Variants in MID2 observed in about 807,000 individuals in gnomAD.
The protein encoded by MID2 is midline 2.
A neutral mutation model predicts 46.1 loss-of-function variants in MID2; 13 were observed. That is an observed-to-expected ratio of 0.28 (90% CI 0.18 to 0.45). The LOEUF (loss-of-function observed/expected upper bound fraction) is 0.45. MID2 is among the 20% of genes least tolerant of loss of function. The pLI, the probability that MID2 is intolerant of heterozygous loss-of-function variation, is 1.00. For synonymous variants in MID2, 199 were observed against 212.3 expected (o/e 0.94, Z 0.55); for missense variants, 431 against 575.4 (o/e 0.75, Z 2.57).
chrX:107,878,295 A>G (rs944642970), intron 3 of MID2, among the ~76,000 whole-genome samples: 1 of 105,206 alleles, frequency 9.5e-6, no homozygotes, highest in African/African-American at 3.5e-5. Flanking sequence ...CATGCTTTGG[A>G]CATGCCCAAG....
At chrX:107,881,489 C>T (rs1303762240) in intron 3 of MID2, among the ~76,000 whole-genome samples, 4 of 112,164 alleles carry the variant, frequency 3.6e-5, no homozygotes, top group African/African-American at 1.3e-4. Context: ...CAGTGATGAC[C>T]TTTTCTTCTC....
chrX:107,857,281 C>CT (rs1172837242), intron 3 of MID2, among the ~76,000 whole-genome samples: 993 of 97,386 alleles, frequency 0.01, 8 homozygotes, highest in African/African-American at 0.025. Flanking sequence ...TTAACTTCCT[C>CT]TTTTTTTTTT....
Position 107,841,165 on chromosome X carries a change from G to A in MID2, c.500G>A (p.Arg167Gln), listed in dbSNP as rs779811661. 1.2e-5 allele frequency: 15 copies of A among 1,209,001 alleles called. No homozygotes were observed. Among genetic ancestry groups the A allele is most frequent in the African/African-American group, 8.8e-5 (5 of 56,866 alleles). Residue 167 changes from arginine (R) to glutamine (Q), a missense_variant, in exon 2 of 10, where the codon CGG becomes CAG. Coordinates refer to ENST00000262843, the MANE Select transcript of MID2 (RefSeq NM_012216.4). ...CEVSYCDRCL[R>Q]ATHPNKKPFT... Reference sequence around the variant, plus strand: ...GTCTCCTACTGTGACCGTTGCCTGCGGGCCACGCACCCCAACAAGAAACCT... The same window carrying A: ...GTCTCCTACTGTGACCGTTGCCTGCAGGCCACGCACCCCAACAAGAAACCT...
intron 5 of MID2, among the ~76,000 whole-genome samples, chrX:107,908,876 G>T (rs956391501): frequency 9.0e-6 from 1 of 110,882 alleles, no homozygotes; most frequent in Non-Finnish European, 1.9e-5. Context: ...AACAAAAAAA[G>T]ATATTTAGCC....
chrX:107,918,613 G>A (rs994410728), intron 7 of MID2, among the ~76,000 whole-genome samples: 1 of 111,510 alleles, frequency 9.0e-6, no homozygotes, highest in Admixed American at 9.5e-5. Flanking sequence ...GGGGTGGGGA[G>A]ATGAGAGGAC....
intron 2 of MID2, among the ~76,000 whole-genome samples, chrX:107,851,371 T>C (rs975451841): frequency 9.0e-6 from 1 of 111,720 alleles, no homozygotes; most frequent in African/African-American, 3.3e-5. Flanking sequence ...TCCAGCTGCC[T>C]TTTATCAATC....
Position 107,926,084 on chromosome X carries a change from T to C in MID2, c.1598-10T>C. ...GCTTTTTCTTTTTTTTTTTTCTACT[T>C]ATTTTTCAGGCCAACCCTTTAAATT... On this transcript the variant is annotated splice_polypyrimidine_tract_variant and intron_variant, in intron 8 of 9. Transcript: ENST00000262843. The C allele has an allele frequency of 2.6e-6, 3 of 1,163,464 alleles. No individual in the cohort carries two copies. Among genetic ancestry groups the C allele is most frequent in the Non-Finnish European group, 3.5e-6 (3 of 866,050 alleles).
At chrX:107,860,899 TG>T (rs1931838316) in intron 3 of MID2, among the ~76,000 whole-genome samples, 1 of 112,031 alleles carries the variant, frequency 8.9e-6, no homozygotes, top group African/African-American at 3.3e-5. Flanking sequence ...TTCATGCCAC[TG>T]GTAGGTAAGA....
At chrX:107,895,842 C>T (rs1281696868) in intron 3 of MID2, 1 of 112,185 alleles carries the variant, frequency 8.9e-6, no homozygotes, top group African/African-American at 3.2e-5. Context: ...CAATGTGATG[C>T]TGGATAAGCC....
At chrX:107,918,348 G>A (rs1933008173) in intron 7 of MID2, among the ~76,000 whole-genome samples, 1 of 111,752 alleles carries the variant, frequency 8.9e-6, no homozygotes, top group African/African-American at 3.3e-5. Flanking sequence ...GGTGCAGTGA[G>A]GGCTGGGGTG....
chrX:107,849,081 C>A (rs1262202899), intron 2 of MID2, among the ~76,000 whole-genome samples: 1 of 112,172 alleles, frequency 8.9e-6, no homozygotes, highest in African/African-American at 3.2e-5. Flanking sequence ...CCTATGCTCA[C>A]CCCAAGGTTC....
chrX:107,845,774 T>C (rs962169079), intron 2 of MID2, among the ~76,000 whole-genome samples: 3 of 111,031 alleles, frequency 2.7e-5, no homozygotes, highest in Non-Finnish European at 5.7e-5. Flanking sequence ...CTTCTCCCAG[T>C]CATTTATCTA....
intron 3 of MID2, among the ~76,000 whole-genome samples, chrX:107,891,665 C>T (rs1932607353): frequency 9.0e-6 from 1 of 111,728 alleles, no homozygotes; most frequent in African/African-American, 3.3e-5. Flanking sequence ...TAGTTGAGAC[C>T]TCTGGAAATA....
chrX:107,836,672 G>T (rs1216238782), intron 1 of MID2, among the ~76,000 whole-genome samples: 1 of 110,824 alleles, frequency 9.0e-6, no homozygotes, highest in Non-Finnish European at 1.9e-5. Flanking sequence ...AAAGGTAGGG[G>T]AAATGGGGGA....
chrX:107,915,190 A>G (rs1932948611), intron 5 of MID2, among the ~76,000 whole-genome samples: 1 of 112,228 alleles, frequency 8.9e-6, no homozygotes, highest in Non-Finnish European at 1.9e-5. Flanking sequence ...AGACTCCTAG[A>G]TTTAGTTGGG....
At chrX:107,918,081 C>G (rs1933003780) in intron 7 of MID2, among the ~76,000 whole-genome samples, 1 of 111,580 alleles carries the variant, frequency 9.0e-6, no homozygotes, top group Non-Finnish European at 1.9e-5. Context: ...TTTACCAAAC[C>G]TACCTCTATC....
intron 3 of MID2, among the ~76,000 whole-genome samples, chrX:107,868,282 G>A (rs963788326): frequency 8.9e-6 from 1 of 111,894 alleles, no homozygotes; most frequent in Admixed American, 9.5e-5. Context: ...GAGTTGGAAT[G>A]ATCAGCAGGA....
intron 1 of MID2, among the ~76,000 whole-genome samples, chrX:107,835,690 TATTAA>T (rs972835265): frequency 8.9e-6 from 1 of 112,082 alleles, no homozygotes; most frequent in African/African-American, 3.2e-5. Flanking sequence ...CTTTGCCTAC[TATTAA>T]ATTGAGTTAC....
intron 5 of MID2, among the ~76,000 whole-genome samples, chrX:107,908,303 C>T (rs1444305825): frequency 4.5e-5 from 5 of 111,915 alleles, no homozygotes; most frequent in Non-Finnish European, 1.9e-5. Context: ...CCTCTCTATT[C>T]GGGATTCCAA....
Sources: gnomAD v4.1 joint callset for allele counts (sites outside exome capture counted in the v4.1 genomes callset) on GRCh38, gnomAD v4.1.1 for gene constraint, MANE v1.5 for transcripts, NCBI Gene and HGNC (gene_info 2026-07-23, HGNC 2026-07-21) for gene names.